Variants in GPM6A observed in about 807,000 individuals in gnomAD.
GPM6A encodes neuronal membrane glycoprotein M6-a.
GPM6A carries 7 observed loss-of-function variants against 32.1 expected under a neutral mutation model. The observed-to-expected ratio is 0.22, with a 90% CI of 0.12 to 0.41. GPM6A has a LOEUF of 0.41. Among genes scored for constraint, GPM6A ranks in the 10% least tolerant of loss-of-function variants. The pLI, the probability that GPM6A is intolerant of heterozygous loss-of-function variation, is 1.00. For missense variants in GPM6A, 235 were observed against 347.2 expected (o/e 0.68, Z 2.57); for synonymous variants, 130 against 123.4 (o/e 1.05, Z -0.35).
chr4:175,828,512 G>A (rs1349129025), intron 1 of GPM6A, among the ~76,000 whole-genome samples: 3 of 152,146 alleles, frequency 2.0e-5, no homozygotes, highest in African/African-American at 7.2e-5. Context: ...TGATTCTGCT[G>A]TTTACAAACA....
At chr4:175,942,328 C>T (rs1739438925) in intron 1 of GPM6A, among the ~76,000 whole-genome samples, 3 of 152,086 alleles carry the variant, frequency 2.0e-5, no homozygotes, top group Admixed American at 2.0e-4. Context: ...CTGTAGGTTG[C>T]CTGTTCACTC....
At chr4:175,697,412 A>C (rs1485893025) in intron 2 of GPM6A, among the ~76,000 whole-genome samples, 1 of 152,172 alleles carries the variant, frequency 6.6e-6, no homozygotes, top group African/African-American at 2.4e-5. Context: ...TTCTGATGAA[A>C]AAAATGTCCT....
At chr4:175,999,443 G>C (rs1741408310) in intron 1 of GPM6A, among the ~76,000 whole-genome samples, 1 of 152,092 alleles carries the variant, frequency 6.6e-6, no homozygotes, top group Non-Finnish European at 1.5e-5. Flanking sequence ...TGCATACCTA[G>C]AGAAGCCGAG....
intron 1 of GPM6A, among the ~76,000 whole-genome samples, chr4:175,725,351 G>A (rs2111126351): frequency 6.6e-6 from 1 of 151,416 alleles, no homozygotes; most frequent in African/African-American, 2.4e-5. Context: ...GAGTGCAGTG[G>A]CGCCATCATG....
intron 1 of GPM6A, among the ~76,000 whole-genome samples, chr4:175,797,263 C>T (rs1734270535): frequency 6.6e-6 from 1 of 152,108 alleles, no homozygotes. Flanking sequence ...GCTCTATGAT[C>T]TTATTCCATC....
chr4:175,886,091 G>T (rs11937844), intron 1 of GPM6A, among the ~76,000 whole-genome samples: 5,208 of 152,140 alleles, frequency 0.034, 261 homozygotes, highest in African/African-American at 0.12. Flanking sequence ...GAGGCTGAGT[G>T]AAGGCAATAT....
intron 1 of GPM6A, among the ~76,000 whole-genome samples, chr4:175,734,124 T>C (rs967972226): frequency 1.6e-5 from 2 of 125,650 alleles, no homozygotes; most frequent in Admixed American, 2.0e-4. Flanking sequence ...CCAGGTTGTT[T>C]TAATTTTTGC....
intron 1 of GPM6A, among the ~76,000 whole-genome samples, chr4:175,855,033 C>T (rs914842712): frequency 2.0e-5 from 3 of 152,036 alleles, no homozygotes; most frequent in South Asian, 2.1e-4. Flanking sequence ...CTGCTCTGGT[C>T]CCAACCAACA....
chr4:175,828,764 C>G (rs143668280), intron 1 of GPM6A, among the ~76,000 whole-genome samples: 153 of 151,928 alleles, frequency 1.0e-3, no homozygotes, highest in African/African-American at 3.2e-3. Flanking sequence ...TATGAATTAT[C>G]AAAATGATTT....
intron 1 of GPM6A, among the ~76,000 whole-genome samples, chr4:175,708,701 C>T (rs959898211): frequency 6.6e-6 from 1 of 152,016 alleles, no homozygotes; most frequent in African/African-American, 2.4e-5. Context: ...ATTTAAGAGA[C>T]CAGTGGTGCC....
In GPM6A at chr4:175,640,185, T is replaced by C; in HGVS notation, c.628A>G (p.Thr210Ala). The part of the protein sequence containing the change: ...RMCESTELNM[T>A]FHLFIVALAG... ...AGTGCCACAATAAACAAGTGGAAGGTCATGTTCAGCTGCAATGGAAACCAC... is the reference window on the plus strand; with the variant it reads ...AGTGCCACAATAAACAAGTGGAAGGCCATGTTCAGCTGCAATGGAAACCAC... Residue 210 changes from threonine to alanine, a missense_variant, in exon 6 of 7, where the codon ACC becomes GCC. Thr to Ala is a moderately conservative substitution (Grantham distance 58). Coordinates refer to ENST00000393658, the MANE Select transcript of GPM6A (RefSeq NM_201591.3). 6.2e-7 allele frequency: 1 copy of C among 1,613,562 alleles called. No individual in the cohort carries two copies. The highest frequency in any genetic ancestry group is 8.5e-7 in the Non-Finnish European group (1 of 1,179,554).
intron 1 of GPM6A, among the ~76,000 whole-genome samples, chr4:175,826,931 C>T (rs954665046): frequency 1.3e-5 from 2 of 152,070 alleles, no homozygotes; most frequent in South Asian, 2.1e-4. Context: ...CGACTTCAGG[C>T]GAAGATGTTT....
rs534298642 is a variant in GPM6A at position 175,694,631 on chromosome 4, A to T, written c.230+6944T>A. Among the ~76,000 whole-genome samples the T allele has an allele frequency of 2.6e-5, 4 of 152,332 alleles. No individual in the cohort carries two copies. The East Asian group carries it at 7.7e-4, about 29-fold the overall frequency. On this transcript the variant is annotated intron_variant, in intron 2 of 6. Transcript: ENST00000393658. ...GTTCATATTCACAACCAAAGAAAGG[A>T]CATAAAAATGGAACTTATATTTAAA...
At chr4:175,833,051 C>T (rs555674936) in intron 1 of GPM6A, among the ~76,000 whole-genome samples, 1 of 152,110 alleles carries the variant, frequency 6.6e-6, no homozygotes. Context: ...GCATTTCCAT[C>T]GAGGGAAGGA....
At chr4:175,640,682 A>C in intron 5 of GPM6A, 71 bp downstream of exon 5, 1 of 1,022,166 alleles carries the variant, frequency 9.8e-7, no homozygotes, top group Non-Finnish European at 1.5e-6. Context: ...ATTTAGTTTT[A>C]ATACATTATC....
At chr4:175,882,354 C>A (rs1737306765) in intron 1 of GPM6A, among the ~76,000 whole-genome samples, 1 of 151,818 alleles carries the variant, frequency 6.6e-6, no homozygotes, top group Non-Finnish European at 1.5e-5. Flanking sequence ...TTATTTTATG[C>A]TGTTGGATGA....
intron 1 of GPM6A, among the ~76,000 whole-genome samples, chr4:175,855,486 G>T (rs1440014606): frequency 6.6e-6 from 1 of 152,154 alleles, no homozygotes; most frequent in African/African-American, 2.4e-5. Context: ...TGAGAGTAAG[G>T]TGCTGAACGA....
At chr4:175,772,047 TCTC>T (rs1419133971) in intron 1 of GPM6A, among the ~76,000 whole-genome samples, 1 of 152,138 alleles carries the variant, frequency 6.6e-6, no homozygotes, top group Non-Finnish European at 1.5e-5. Flanking sequence ...CTTCCATCAT[TCTC>T]CTGCTCAGTG....
chr4:175,640,061 T>A (rs549969799), intron 6 of GPM6A, 68 bp downstream of exon 6: 2 of 1,188,362 alleles, frequency 1.7e-6, no homozygotes, highest in East Asian at 4.7e-5. Context: ...AGATAGTTTA[T>A]CATCTCTACA....
Sources: allele counts gnomAD v4.1 joint callset (sites outside exome capture counted in the v4.1 genomes callset), GRCh38; gene constraint gnomAD v4.1.1; transcripts MANE v1.5; gene names NCBI Gene and HGNC (gene_info 2026-07-23, HGNC 2026-07-21).